The following FAM178B variants were observed in gnomAD, a reference collection of about 807,000 sequenced individuals.
FAM178B encodes family with sequence similarity 178 member B, also known as protein FAM178B.
FAM178B carries 82 observed loss-of-function variants against 91.7 expected under a neutral mutation model. The ratio of observed to expected loss-of-function variants is 0.89; its 90% confidence interval spans 0.75 to 1.07. FAM178B has a LOEUF of 1.07. Ranked by LOEUF, FAM178B falls within the 50% of genes least tolerant of loss-of-function variation. The pLI is 0.00. For synonymous variants in FAM178B, 368 were observed against 359.4 expected (o/e 1.02, Z -0.27); for missense variants, 769 against 846.7 (o/e 0.91, Z 1.14).
At position 96,972,390 on chromosome 2, in the gene FAM178B, T is replaced by C. The variant is rs917455242; in HGVS notation, c.143-68A>G. On this transcript the variant is annotated intron_variant, in intron 2 of 16. Transcript: ENST00000490605. ...CACTGTCCCAGACGTCAAGCCACAC[T>C]GGGTAAGGAGAGCAGCAAATGGGTG... 7.5e-6 allele frequency: 11 copies of C among 1,471,326 alleles called. No homozygotes were observed. In the East Asian group the frequency reaches 2.2e-4, roughly 30 times the overall value. The allele number at this position is 1,471,326 out of a possible 1,614,324, so 91.1% of individuals were successfully genotyped here. A position where few individuals can be genotyped will look rare whatever the true frequency, so the allele number is the denominator to read the frequency against.
rs536615516 is a variant in FAM178B at position 96,912,448 on chromosome 2, C to T, written c.1562+8717G>A. ...CCTGAGGCCCACCAAGACTCGAGGG[C>T]TGGTGGGGGAGGGGTATCCCTGAGG... On this transcript the variant is annotated intron_variant, in intron 12 of 16. Transcript: ENST00000490605. Among the ~76,000 whole-genome samples, 41 of 152,008 alleles carry T rather than the reference C, an allele frequency of 2.7e-4. 1 individual carries two copies. In the South Asian group the frequency reaches 8.0e-3, roughly 29 times the overall value.
intron 12 of FAM178B, among the ~76,000 whole-genome samples, chr2:96,903,078 C>T (rs187088133): frequency 0.034 from 5,164 of 152,276 alleles, 113 homozygotes; most frequent in Middle Eastern, 0.1. Context: ...CTCGCTCTGT[C>T]GCCCAGGCTG....
intron 6 of FAM178B, among the ~76,000 whole-genome samples, chr2:96,959,319 G>C (rs533925421): frequency 4.1e-4 from 63 of 152,066 alleles, no homozygotes; most frequent in Admixed American, 3.6e-3. Context: ...TGATGGGTGT[G>C]TGGAGGGACG....
intron 6 of FAM178B, chr2:96,951,737 G>A (rs935706200): frequency 1.5e-5 from 6 of 410,608 alleles, no homozygotes; most frequent in South Asian, 2.4e-5. Flanking sequence ...AACACATGGC[G>A]GGTGGCTGGA....
At chr2:96,943,235 A>AT (rs1186942850) in intron 8 of FAM178B, among the ~76,000 whole-genome samples, 1 of 152,234 alleles carries the variant, frequency 6.6e-6, no homozygotes, top group Non-Finnish European at 1.5e-5. Flanking sequence ...TGCAAATCAC[A>AT]TATCTGGTAA....
At chr2:96,922,540 G>A (rs1454199590) in intron 10 of FAM178B, among the ~76,000 whole-genome samples, 1 of 152,160 alleles carries the variant, frequency 6.6e-6, no homozygotes, top group Admixed American at 6.5e-5. Flanking sequence ...AGTAGAGACG[G>A]GGTTTCACCA....
intron 16 of FAM178B, among the ~76,000 whole-genome samples, chr2:96,876,947 C>T (rs1470486896): frequency 6.6e-6 from 1 of 152,114 alleles, no homozygotes; most frequent in Non-Finnish European, 1.5e-5. Context: ...GTCAGGCTGG[C>T]TCATGCCCTG....
chr2:96,945,478 T>C (rs2081811566), intron 8 of FAM178B, among the ~76,000 whole-genome samples: 1 of 152,134 alleles, frequency 6.6e-6, no homozygotes, highest in African/African-American at 2.4e-5. Context: ...CAGGAAAGGA[T>C]GGAAGTTTAC....
intron 7 of FAM178B, among the ~76,000 whole-genome samples, chr2:96,950,317 C>G (rs1032937773): frequency 3.3e-5 from 5 of 152,174 alleles, no homozygotes; most frequent in Admixed American, 1.3e-4. Context: ...TCCTTCTGGG[C>G]CTTGGGTGGG....
At chr2:96,957,574 A>C (rs2082016963) in intron 6 of FAM178B, among the ~76,000 whole-genome samples, 1 of 152,188 alleles carries the variant, frequency 6.6e-6, no homozygotes. Context: ...TCACCGCTCC[A>C]TGGGCCATCT....
At chr2:96,912,765 C>T (rs2081180466) in intron 12 of FAM178B, among the ~76,000 whole-genome samples, 1 of 152,218 alleles carries the variant, frequency 6.6e-6, no homozygotes, top group African/African-American at 2.4e-5. Context: ...ATGCGACCTT[C>T]ATCTTGCCTC....
intron 14 of FAM178B, among the ~76,000 whole-genome samples, chr2:96,885,502 C>G (rs2080495485): frequency 6.6e-6 from 1 of 152,228 alleles, no homozygotes; most frequent in South Asian, 2.1e-4. Flanking sequence ...AATGTGGAGG[C>G]CATGGCGCAT....
Position 96,919,012 on chromosome 2 carries a change from G to A in FAM178B, c.1562+2153C>T, listed in dbSNP as rs984677835. ...CTTAGAGTTGTAAGCCCTTAAAAGCGACAGGAATTGCTGACTCAAGCAGCT... is the reference window on the plus strand; with the variant it reads ...CTTAGAGTTGTAAGCCCTTAAAAGCAACAGGAATTGCTGACTCAAGCAGCT... On this transcript the variant is annotated intron_variant, in intron 12 of 16. Coordinates refer to ENST00000490605, the MANE Select transcript of FAM178B (RefSeq NM_001122646.3). Among the ~76,000 whole-genome samples, 9 of 152,264 alleles carry A rather than the reference G, an allele frequency of 5.9e-5. 1 individual carries two copies. Among genetic ancestry groups the A allele is most frequent in the Admixed American group, 2.6e-4 (4 of 15,296 alleles).
In FAM178B at chr2:96,986,336, G is replaced by A. The variant is rs1347615012; in HGVS notation, c.-23C>T. On this transcript the variant is annotated 5_prime_UTR_variant, in exon 1 of 17. Transcript: ENST00000490605. ...CATAGGGCGGGAAGGGCAGGGCTCC[G>A]GGGTGAGGGAGGGTGGCGGGAATTC... 3.3e-6 allele frequency: 5 copies of A among 1,531,026 alleles called. No homozygotes were observed. In the East Asian group the frequency reaches 9.8e-5, roughly 30 times the overall value. The allele number at this position is 1,531,026 out of a possible 1,614,324, so 94.8% of individuals were successfully genotyped here.
At chr2:96,897,201 C>G (rs1559057885) in intron 13 of FAM178B, among the ~76,000 whole-genome samples, 3 of 152,110 alleles carry the variant, frequency 2.0e-5, no homozygotes, top group Non-Finnish European at 4.4e-5. Flanking sequence ...TCACCTATTC[C>G]CCCCCACTCC....
At chr2:96,954,045 G>A (rs1248473210) in intron 6 of FAM178B, among the ~76,000 whole-genome samples, 2 of 152,214 alleles carry the variant, frequency 1.3e-5, no homozygotes, top group Non-Finnish European at 2.9e-5. Context: ...TCAAGAACAC[G>A]GATGCTGGGT....
At position 96,917,107 on chromosome 2, in the gene FAM178B, C is replaced by T. The variant is rs577758093; in HGVS notation, c.1562+4058G>A. On this transcript the variant is annotated intron_variant, in intron 12 of 16. Transcript: ENST00000490605. Reference sequence around the variant, plus strand: ...AAAGAAGGTGCGGAAACGGCGGGTACGTGCACACGCAGACAGAGGCTGGCG... The same window carrying T: ...AAAGAAGGTGCGGAAACGGCGGGTATGTGCACACGCAGACAGAGGCTGGCG... Among the ~76,000 whole-genome samples, 162 of 152,224 alleles carry T rather than the reference C, an allele frequency of 1.1e-3. 1 individual carries two copies. Among genetic ancestry groups the T allele is most frequent in the East Asian group, 4.6e-3 (24 of 5,176 alleles).
chr2:96,964,728 T>C (rs2082123074), intron 5 of FAM178B, among the ~76,000 whole-genome samples: 1 of 152,216 alleles, frequency 6.6e-6, no homozygotes, highest in Non-Finnish European at 1.5e-5. Context: ...TTCTTCTCCT[T>C]CGTCCCTTCT....
intron 1 of FAM178B, among the ~76,000 whole-genome samples, chr2:96,985,319 G>T (rs2082408966): frequency 2.0e-5 from 3 of 152,118 alleles, no homozygotes; most frequent in South Asian, 4.1e-4. Context: ...TCAGCTCCTT[G>T]ACTTGGCCAT....
Sources: allele counts gnomAD v4.1 joint callset (sites outside exome capture counted in the v4.1 genomes callset), GRCh38; gene constraint gnomAD v4.1.1; transcripts MANE v1.5; gene names NCBI Gene and HGNC (gene_info 2026-07-23, HGNC 2026-07-21).